The following PXDN variants were observed in gnomAD, a reference collection of about 807,000 sequenced individuals.
PXDN encodes peroxidasin, also known as peroxidasin homolog.
PXDN carries 77 observed loss-of-function variants against 140.3 expected under a neutral mutation model. The observed-to-expected ratio is 0.55, with a 90% CI of 0.46 to 0.66. The LOEUF is 0.66. Ranked by LOEUF, PXDN falls within the 30% of genes least tolerant of loss-of-function variation. The pLI is 0.00. For missense variants in PXDN, 1,838 were observed against 2,039.5 expected, an observed-to-expected ratio of 0.90 and a Z score of 1.90; for synonymous variants, 911 against 857.4, an observed-to-expected ratio of 1.06 and a Z score of -1.09.
intron 8 of PXDN, among the ~76,000 whole-genome samples, chr2:1,674,942 A>G (rs1416097662): frequency 6.6e-6 from 1 of 152,192 alleles, no homozygotes; most frequent in African/African-American, 2.4e-5. Context: ...AGCACTGTGC[A>G]AAAGCACTTC....
Position 1,730,818 on chromosome 2 carries a change from TC to T in PXDN, c.200+13437del, listed in dbSNP as rs1157217600. On this transcript the variant is annotated intron_variant, in intron 1 of 22. Coordinates refer to ENST00000252804, the MANE Select transcript of PXDN (RefSeq NM_012293.3). ...AGTTAAGCAACTAGATTACAAGCAATCCGGCTGTGACCTATGGTTCCAGTCG... is the reference window on the plus strand; with the variant it reads ...AGTTAAGCAACTAGATTACAAGCAATCGGCTGTGACCTATGGTTCCAGTCG... Among the ~76,000 whole-genome samples the T allele has an allele frequency of 1.2e-4, 19 of 152,186 alleles. No individual in the cohort carries two copies. In the East Asian group the frequency reaches 3.5e-3, roughly 28 times the overall value.
intron 1 of PXDN, among the ~76,000 whole-genome samples, chr2:1,740,759 C>G (rs1685524899): frequency 6.6e-6 from 1 of 152,204 alleles, no homozygotes; most frequent in African/African-American, 2.4e-5. Flanking sequence ...GTCTCGTTTT[C>G]TGTGGGTGGC....
Position 1,653,701 on chromosome 2 carries a change from T to A in PXDN, c.2031A>T (p.Glu677Asp). Residue 677 changes from glutamate to aspartate, a missense_variant, in exon 16 of 23, where the codon GAA (glutamate) becomes GAT (aspartate). Coordinates refer to ENST00000252804, the MANE Select transcript of PXDN (RefSeq NM_012293.3). ...PYTVEQARAGEIFERTLQLIQ... is the reference protein window; with the variant it reads ...PYTVEQARAGDIFERTLQLIQ... ...TGAGCTGCAATGTCCGTTCAAAGAT[T>A]TCTCCCGCCCGTGCCTGTTCAACTG... 1 of 1,609,030 alleles carries A rather than the reference T, an allele frequency of 6.2e-7. No homozygotes were observed.
In PXDN at chr2:1,713,648, G is replaced by A. The variant is rs569472601; in HGVS notation, c.201-20514C>T. Among the ~76,000 whole-genome samples the A allele has an allele frequency of 2.4e-3, 362 of 152,290 alleles. 1 individual carries two copies. Among genetic ancestry groups the A allele is most frequent in the Non-Finnish European group, 4.0e-3 (275 of 68,022 alleles). Reference sequence around the variant, plus strand: ...ACCTCCAAATGGACCCCGGGTGGGCGGGAGCCTCGGTCCCCCCGAATGCTC... The same window carrying A: ...ACCTCCAAATGGACCCCGGGTGGGCAGGAGCCTCGGTCCCCCCGAATGCTC... On this transcript the variant is annotated intron_variant, in intron 1 of 22. Transcript: ENST00000252804.
At chr2:1,652,023 G>C (rs888564249) in intron 16 of PXDN, among the ~76,000 whole-genome samples, 1 of 152,188 alleles carries the variant, frequency 6.6e-6, no homozygotes, top group Non-Finnish European at 1.5e-5. Context: ...TGGGTAAACA[G>C]CAAATGTATA....
At chr2:1,700,930 G>C (rs1684410363) in intron 1 of PXDN, among the ~76,000 whole-genome samples, 1 of 152,080 alleles carries the variant, frequency 6.6e-6, no homozygotes, top group Non-Finnish European at 1.5e-5. Flanking sequence ...CTGCTTCAGA[G>C]AGGCAAATAT....
intron 1 of PXDN, among the ~76,000 whole-genome samples, chr2:1,698,952 T>G (rs968082877): frequency 6.6e-5 from 10 of 152,200 alleles, no homozygotes; most frequent in African/African-American, 2.4e-4. Context: ...TTTAGGGTAG[T>G]TTTTGTGTTT....
upstream of PXDN, chr2:1,744,553 G>T (rs1395176557): frequency 8.0e-6 from 8 of 1,001,886 alleles, no homozygotes; most frequent in Non-Finnish European, 8.9e-6. Flanking sequence ...GCTGTGCGCG[G>T]GGGGCGGGGG....
At chr2:1,730,177 C>T (rs1685281363) in intron 1 of PXDN, among the ~76,000 whole-genome samples, 1 of 152,280 alleles carries the variant, frequency 6.6e-6, no homozygotes, top group Admixed American at 6.5e-5. Flanking sequence ...CACTTTGTTC[C>T]TGTTTATTTT....
At chr2:1,683,917 G>A (rs1341797396) in intron 5 of PXDN, among the ~76,000 whole-genome samples, 163 bp downstream of exon 5, 1 of 151,926 alleles carries the variant, frequency 6.6e-6, no homozygotes, top group Non-Finnish European at 1.5e-5. Context: ...CTCAATTAAA[G>A]AGAAAATTAT....
intron 16 of PXDN, chr2:1,653,388 G>A: frequency 5.1e-6 from 3 of 586,484 alleles, no homozygotes; most frequent in Admixed American, 2.4e-5. Context: ...TGGACCTGCT[G>A]TAGCCTGATC....
At chr2:1,652,583 T>C (rs1683039187) in intron 16 of PXDN, among the ~76,000 whole-genome samples, 1 of 151,804 alleles carries the variant, frequency 6.6e-6, no homozygotes, top group Non-Finnish European at 1.5e-5. Flanking sequence ...CAACATTTCC[T>C]GCCCTGCCCC....
rs763318993 is a variant in PXDN, at chr2:1,649,702, A to T, written c.2105-27T>A. 1 of 1,611,456 alleles carries T rather than the reference A, an allele frequency of 6.2e-7. No homozygotes were observed. On this transcript the variant is annotated intron_variant, in intron 16 of 22. Coordinates refer to ENST00000252804, the MANE Select transcript of PXDN (RefSeq NM_012293.3). This position sits in a 1 kb window ranked among gnomAD's most constrained non-coding sequence, Gnocchi z 7.1. ...TGGGACGTGGAGAAAAGCAAGACGC[A>T]CTCAATTCCCCTGGAGGATGTGTGA...
chr2:1,680,415 T>C lies in PXDN; in HGVS notation c.561-53A>G, dbSNP rs1394136086. 8 of 1,595,842 alleles carry C rather than the reference T, an allele frequency of 5.0e-6. No homozygotes were observed. In the Middle Eastern group the frequency reaches 6.6e-4, roughly 132 times the overall value. On this transcript the variant is annotated intron_variant, in intron 6 of 22. Transcript: ENST00000252804. ...GACATGGGGTGGCTGGGCTTGTCCA[T>C]CCATCCATCAGACAGGGCTTCCAGG...
chr2:1,725,829 G>A (rs1206106087), intron 1 of PXDN, among the ~76,000 whole-genome samples: 1 of 152,188 alleles, frequency 6.6e-6, no homozygotes, highest in African/African-American at 2.4e-5. Context: ...ATGAAAAAAT[G>A]TTCATCATCA....
chr2:1,744,413 C>G lies in PXDN; in HGVS notation c.43G>C (p.Ala15Pro), dbSNP rs955741351. 2.0e-6 allele frequency: 3 copies of G among 1,510,200 alleles called. No individual in the cohort carries two copies. In the African/African-American group the frequency reaches 4.3e-5, roughly 22 times the overall value. 93.5% of individuals were successfully genotyped at this position (1,510,200 alleles called of 1,614,324 possible). A position where few individuals can be genotyped will look rare whatever the true frequency, so the allele number is the denominator to read the frequency against. The change falls in exon 1 of 23, where the codon GCG (alanine) becomes CCG (proline). Residue 15 changes from alanine to proline, a missense_variant. By Grantham distance (27) the Ala-to-Pro change is conservative. Transcript: ENST00000252804. Reference sequence around the variant, plus strand: ...CCCCAGGCGCAGAACAGCACGAGCGCCAACAGGCAGCGGCGCCCGGGGCCC... The same window carrying G: ...CCCCAGGCGCAGAACAGCACGAGCGGCAACAGGCAGCGGCGCCCGGGGCCC... ...SRGPGRRCLL[A>P]LVLFCAWGTL...
chr2:1,648,591 G>C lies in PXDN; in HGVS notation c.3189C>G (p.Asn1063Lys). 1 of 1,613,700 alleles carries C rather than the reference G, an allele frequency of 6.2e-7. No individual in the cohort carries two copies. Among genetic ancestry groups the C allele is most frequent in the Non-Finnish European group, 8.5e-7 (1 of 1,179,860 alleles). ...ACCTGAAGGCCGCGGTGGCGAAGGC[G>C]TTGAAGATGCCAGCATTGATGCCGG... ...YDPGINAGIF[N>K]AFATAAFRFG... The change falls in exon 17 of 23, where the codon AAC (asparagine) becomes AAG (lysine). Residue 1063 changes from asparagine (N) to lysine (K), a missense_variant. Around this residue, in one of 5 missense-constraint regions of PXDN, gnomAD observed 850 missense variants for 894.1 expected, o/e 0.95. Coordinates refer to ENST00000252804, the MANE Select transcript of PXDN (RefSeq NM_012293.3). This position sits in a 1 kb window ranked among gnomAD's most constrained non-coding sequence, Gnocchi z 8.9.
Position 1,639,562 on chromosome 2 carries a change from G to T in PXDN, c.3953-140C>A. The T allele has an allele frequency of 7.9e-7, 1 of 1,272,058 alleles. No individual in the cohort carries two copies. The highest frequency in any genetic ancestry group is 1.5e-5 in the African/African-American group (1 of 68,076). The allele number at this position is 1,272,058 out of a possible 1,614,324, so 78.8% of individuals were successfully genotyped here. A position where few individuals can be genotyped will look rare whatever the true frequency, so the allele number is the denominator to read the frequency against. On this transcript the variant is annotated intron_variant, in intron 19 of 22. Transcript: ENST00000252804. The surrounding 1 kb of genome is among the most constrained non-coding windows in gnomAD (Gnocchi z 5.0). ...CACATTTCAGTGAGGCAACCTGGCAGCTGGTCTGCGGCTCTTACCCTCTCC... is the reference window on the plus strand; with the variant it reads ...CACATTTCAGTGAGGCAACCTGGCATCTGGTCTGCGGCTCTTACCCTCTCC...
chr2:1,679,275 G>T (rs1683808863), intron 7 of PXDN, among the ~76,000 whole-genome samples: 1 of 146,916 alleles, frequency 6.8e-6, no homozygotes, highest in Admixed American at 6.8e-5. Flanking sequence ...TGTGTGGATT[G>T]TATGTGCATG....
Sources: allele counts gnomAD v4.1 joint callset (sites outside exome capture counted in the v4.1 genomes callset), GRCh38; gene constraint gnomAD v4.1.1; regional missense constraint gnomAD v4.1.1; non-coding constraint Gnocchi (gnomAD v3.1); transcripts MANE v1.5; gene names NCBI Gene and HGNC (gene_info 2026-07-23, HGNC 2026-07-21).